The following RNF141 variants were observed in gnomAD, a reference collection of about 807,000 sequenced individuals.
The protein encoded by RNF141 is C3HC4-like zinc finger protein.
In RNF141, 18 loss-of-function variants were observed where a neutral mutation model predicts 27.4. The observed-to-expected ratio is 0.66, with a 90% confidence interval of 0.45 to 0.97. The LOEUF is 0.97. Among genes scored for constraint, RNF141 ranks in the 50% least tolerant of loss-of-function variants. RNF141 has a pLI of 0.00. For synonymous variants in RNF141, 97 were observed against 96.6 expected (o/e 1.00, Z -0.02); for missense variants, 230 against 279.4 (o/e 0.82, Z 1.26).
chr11:10,512,065 C>T lies in RNF141; in HGVS notation c.*2851G>A, dbSNP rs1199135847. On this transcript the variant is annotated 3_prime_UTR_variant, in exon 6 of 6. Transcript: ENST00000265981. The stretch of plus-strand genomic sequence containing the variant: ...CTCAAACTAAGGTTCTATACATAAT[C>T]GGAGTAAACCCTCTGTTACTGAGTT... 5 of 152,594 alleles carry T rather than the reference C, an allele frequency of 3.3e-5. No homozygotes were observed. The highest frequency in any genetic ancestry group is 5.9e-5 in the Non-Finnish European group (4 of 68,020). The allele number at this position is 152,594 out of a possible 1,614,324, so 9.5% of individuals were successfully genotyped here. A position where few individuals can be genotyped will look rare whatever the true frequency, so the allele number is the denominator to read the frequency against.
In RNF141 at chr11:10,530,717, G is replaced by T; in HGVS notation, c.178C>A (p.Leu60Ile). Residue 60 changes from leucine (L) to isoleucine (I), a missense_variant, in exon 3 of 6, where the codon CTT becomes ATT. By Grantham distance (5) the Leu-to-Ile change is conservative. Transcript: ENST00000265981. ...GACCCAGGTTGTACCTCAAAGAGAAGATGTTTTTCCTGGCCAGAAGCCACT... is the reference window on the plus strand; with the variant it reads ...GACCCAGGTTGTACCTCAAAGAGAATATGTTTTTCCTGGCCAGAAGCCACT... ...AKVASGQEKH[L>I]LFEVQPGSDS... 6.2e-7 allele frequency: 1 copy of T among 1,609,160 alleles called. No individual in the cohort carries two copies. The highest frequency in any genetic ancestry group is 8.5e-7 in the Non-Finnish European group (1 of 1,177,172).
chr11:10,526,188 C>T (rs1782120992), intron 3 of RNF141, among the ~76,000 whole-genome samples: 1 of 152,038 alleles, frequency 6.6e-6, no homozygotes, highest in Admixed American at 6.5e-5. Flanking sequence ...GGATGGAAGA[C>T]TGGGGAAGAA....
In RNF141 at chr11:10,514,631, T is replaced by A. The variant is rs962036185; in HGVS notation, c.*285A>T. 20 of 255,146 alleles carry A rather than the reference T, an allele frequency of 7.8e-5. No homozygotes were observed. The highest frequency in any genetic ancestry group is 4.2e-4 in the African/African-American group (19 of 44,972). 15.8% of individuals were successfully genotyped at this position (255,146 alleles called of 1,614,324 possible). A position where few individuals can be genotyped will look rare whatever the true frequency, so the allele number is the denominator to read the frequency against. ...TTTTAGAAGCCTCTGGAAGTGTTGCTGTTACCTTTAGCAAAGAATTCAAGA... is the reference window on the plus strand; with the variant it reads ...TTTTAGAAGCCTCTGGAAGTGTTGCAGTTACCTTTAGCAAAGAATTCAAGA... On this transcript the variant is annotated 3_prime_UTR_variant, in exon 6 of 6. Transcript: ENST00000265981.
chr11:10,528,022 CT>C (rs1267818901), intron 3 of RNF141, among the ~76,000 whole-genome samples: 12 of 152,144 alleles, frequency 7.9e-5, no homozygotes, highest in Non-Finnish European at 1.8e-4. Context: ...TAACAGCCAC[CT>C]TAGTACCTAG....
At chr11:10,537,822 G>A (rs1850051519) in intron 1 of RNF141, among the ~76,000 whole-genome samples, 1 of 152,168 alleles carries the variant, frequency 6.6e-6, no homozygotes, top group Non-Finnish European at 1.5e-5. Context: ...AGGCTTCTTT[G>A]AACACATTTC....
At chr11:10,525,431 C>A in intron 3 of RNF141, 58 bp from the exon 4 acceptor site, 4 of 1,334,726 alleles carry the variant, frequency 3.0e-6, no homozygotes, top group South Asian at 1.5e-5. Context: ...CCAATTTTTC[C>A]CAAAAAGGGG....
intron 4 of RNF141, 95 bp from the exon 5 acceptor site, chr11:10,519,236 G>T (rs540466959): frequency 9.9e-7 from 1 of 1,015,016 alleles, no homozygotes; most frequent in Non-Finnish European, 1.5e-6. Context: ...ACATCTATAT[G>T]CCCACAGTAT....
At chr11:10,540,881 C>A (rs943332253) in intron 1 of RNF141, 1 of 152,330 alleles carries the variant, frequency 6.6e-6, no homozygotes, top group Non-Finnish European at 1.5e-5. Flanking sequence ...CGAGGCGGGA[C>A]AAGCCACCGC....
chr11:10,528,331 T>C (rs1849958126), intron 3 of RNF141, among the ~76,000 whole-genome samples: 2 of 152,130 alleles, frequency 1.3e-5, no homozygotes, highest in African/African-American at 4.8e-5. Flanking sequence ...ACCTAAGGAA[T>C]GCAAATAAAA....
At chr11:10,520,745 A>C (rs1402618665) in intron 4 of RNF141, among the ~76,000 whole-genome samples, 1 of 152,248 alleles carries the variant, frequency 6.6e-6, no homozygotes, top group Non-Finnish European at 1.5e-5. Flanking sequence ...AGCATCACCA[A>C]GAACATTTGA....
chr11:10,514,124 C>T lies in RNF141; in HGVS notation c.*792G>A, dbSNP rs1444452415. On this transcript the variant is annotated 3_prime_UTR_variant, in exon 6 of 6. Transcript: ENST00000265981. ...TAGTATTTGTGATGCAGAATAATTT[C>T]CTTCTGAAACTCCAAGATGTGTGAG... The T allele has an allele frequency of 2.6e-5, 4 of 152,148 alleles. No homozygotes were observed. Among genetic ancestry groups the T allele is most frequent in the Non-Finnish European group, 2.9e-5 (2 of 68,018 alleles). 9.4% of individuals were successfully genotyped at this position (152,148 alleles called of 1,614,324 possible).
At chr11:10,530,577 T>C in intron 3 of RNF141, 66 bp downstream of exon 3, 1 of 800,050 alleles carries the variant, frequency 1.2e-6, no homozygotes, top group Non-Finnish European at 2.0e-6. Flanking sequence ...TATCTTACAG[T>C]ATTAAATATA....
intron 1 of RNF141, chr11:10,540,855 T>TA (rs1850093968): frequency 1.3e-5 from 2 of 152,070 alleles, no homozygotes; most frequent in Non-Finnish European, 2.9e-5. Flanking sequence ...TCTCTCCGGG[T>TA]CCCTCAGAAC....
intron 5 of RNF141, chr11:10,515,542 T>C (rs1007041731): frequency 6.6e-6 from 1 of 152,298 alleles, no homozygotes; most frequent in African/African-American, 2.4e-5. Context: ...TATTCCTTTA[T>C]AATAAAAATT....
intron 1 of RNF141, chr11:10,540,696 G>T (rs544291665): frequency 1.5e-4 from 23 of 152,308 alleles, no homozygotes; most frequent in African/African-American, 5.5e-4. Flanking sequence ...GACCGAGCCC[G>T]CGGGCCACCC....
At chr11:10,532,118 G>T in intron 2 of RNF141, 2 of 316,430 alleles carry the variant, frequency 6.3e-6, no homozygotes, top group South Asian at 2.4e-5. Flanking sequence ...TATGCTAAAG[G>T]GCAAAACTTC....
rs778761296 is a variant in RNF141, at chr11:10,519,126, G to A, written c.450C>T (p.Thr150=). Residue 150 remains threonine, a synonymous_variant, in exon 5 of 6, where the codon ACC becomes ACT. Transcript: ENST00000265981. ...SLWMGRVKQL[T]DEEECCICMD... ...TACAGATACAACACTCCTCCTCATC[G>A]GTCAGCTGCTTCACCCTGCAATGTG... 6.2e-6 allele frequency: 10 copies of A among 1,613,504 alleles called. No homozygotes were observed. The highest frequency in any genetic ancestry group is 1.7e-5 in the Admixed American group (1 of 59,958).
intron 3 of RNF141, among the ~76,000 whole-genome samples, chr11:10,527,654 G>GA (rs373485913): frequency 1.4e-5 from 2 of 144,062 alleles, no homozygotes; most frequent in African/African-American, 5.2e-5. Context: ...ACGGGGGGGG[G>GA]TTTTGAGCCA....
chr11:10,519,263 CAT>C lies in RNF141; in HGVS notation c.435-124_435-123del, dbSNP rs771593211. ...CCACAGTATAAAGCACAATATGACT[CAT>C]GTGCAAAATCAGACTAAAATTAATA... On this transcript the variant is annotated intron_variant, in intron 4 of 5. Coordinates refer to ENST00000265981, the MANE Select transcript of RNF141 (RefSeq NM_016422.4). 1.6e-4 allele frequency: 101 copies of C among 642,814 alleles called. 1 individual carries two copies. The highest frequency in any genetic ancestry group is 5.7e-4 in the Admixed American group (17 of 29,606). The allele number at this position is 642,814 out of a possible 1,614,324, so 39.8% of individuals were successfully genotyped here. A position where few individuals can be genotyped will look rare whatever the true frequency, so the allele number is the denominator to read the frequency against.
Sources: gnomAD v4.1 joint callset for allele counts (sites outside exome capture counted in the v4.1 genomes callset) on GRCh38, gnomAD v4.1.1 for gene constraint, MANE v1.5 for transcripts, NCBI Gene and HGNC (gene_info 2026-07-23, HGNC 2026-07-21) for gene names.